The following DAOA variants were observed in gnomAD, a reference collection of about 807,000 sequenced individuals.
The protein encoded by DAOA is D-amino acid oxidase regulator.
In DAOA, 15 loss-of-function variants were observed where a neutral mutation model predicts 16.4. The ratio of observed to expected loss-of-function variants is 0.91; its 90% confidence interval spans 0.61 to 1.41. The LOEUF is 1.41. DAOA is among the 40% of genes most tolerant of loss of function. The pLI is 0.00. For synonymous variants in DAOA, 75 were observed against 59.1 expected, an observed-to-expected ratio of 1.27 and a Z score of -1.23; for missense variants, 230 against 176.8, an observed-to-expected ratio of 1.30 and a Z score of -1.71.
intron 3 of DAOA, among the ~76,000 whole-genome samples, chr13:105,468,695 A>C (rs1876713967): frequency 6.6e-6 from 1 of 152,252 alleles, no homozygotes; most frequent in Non-Finnish European, 1.5e-5. Flanking sequence ...GGCATGCAGT[A>C]TGTTAATTTC....
intron 4 of DAOA, among the ~76,000 whole-genome samples, chr13:105,482,240 T>G (rs1394103219): frequency 6.6e-6 from 1 of 152,198 alleles, no homozygotes; most frequent in East Asian, 1.9e-4. Flanking sequence ...ACTTGCTACC[T>G]CTATTTCATC....
chr13:105,487,046 G>A (rs535191868), intron 4 of DAOA, among the ~76,000 whole-genome samples: 1 of 152,206 alleles, frequency 6.6e-6, no homozygotes, highest in South Asian at 2.1e-4. Context: ...TAGATTATTG[G>A]ATTACAGTGG....
intron 4 of DAOA, among the ~76,000 whole-genome samples, chr13:105,475,994 C>T (rs1346142701): frequency 1.3e-5 from 2 of 151,732 alleles, no homozygotes; most frequent in African/African-American, 4.8e-5. Context: ...ATATATATAC[C>T]CACATTTTTA....
In DAOA at chr13:105,489,972, C is replaced by T; in HGVS notation, c.353C>T (p.Ala118Val). 6.2e-7 allele frequency: 1 copy of T among 1,613,578 alleles called. No homozygotes were observed. The highest frequency in any genetic ancestry group is 8.5e-7 in the Non-Finnish European group (1 of 1,179,836). Reference sequence around the variant, plus strand: ...AACTATGAGTTCCTTGCCTATGAGGCCTCTAAGGACCGCAGGCAGCCTCTA... The same window carrying T: ...AACTATGAGTTCCTTGCCTATGAGGTCTCTAAGGACCGCAGGCAGCCTCTA... ...ARNYEFLAYE[A>V]SKDRRQPLER... Residue 118 changes from alanine to valine, a missense_variant, in exon 5 of 6, where the codon GCC becomes GTC. Coordinates refer to ENST00000375936, the MANE Select transcript of DAOA (RefSeq NM_172370.5).
chr13:105,484,775 T>C (rs1877995180), intron 4 of DAOA, among the ~76,000 whole-genome samples: 1 of 152,190 alleles, frequency 6.6e-6, no homozygotes, highest in Admixed American at 6.6e-5. Flanking sequence ...TTTCCTCCTA[T>C]ACAATTTGGA....
chr13:105,490,294 A>T (rs1878427921), intron 5 of DAOA, 102 bp downstream of exon 5: 1 of 475,954 alleles, frequency 2.1e-6, no homozygotes. Context: ...GATATAAACT[A>T]ATACCATAGG....
chr13:105,479,824 T>C (rs1437424271), intron 4 of DAOA, among the ~76,000 whole-genome samples: 1 of 152,096 alleles, frequency 6.6e-6, no homozygotes, highest in Non-Finnish European at 1.5e-5. Flanking sequence ...TTTAAGAAAC[T>C]CATAGAAAGA....
intron 4 of DAOA, among the ~76,000 whole-genome samples, chr13:105,481,034 T>C (rs1877711573): frequency 6.6e-6 from 1 of 152,190 alleles, no homozygotes; most frequent in South Asian, 2.1e-4. Context: ...TCTAAAATTA[T>C]CACAGCATCT....
At chr13:105,468,448 C>G (rs1331645479) in intron 3 of DAOA, among the ~76,000 whole-genome samples, 1 of 152,164 alleles carries the variant, frequency 6.6e-6, no homozygotes, top group East Asian at 1.9e-4. Flanking sequence ...GCTCATCTTA[C>G]TTTTAATTTC....
chr13:105,467,089 T>C lies in DAOA; in HGVS notation c.81T>C (p.Gly27=), dbSNP rs376736793. 207 of 1,611,808 alleles carry C rather than the reference T, an allele frequency of 1.3e-4. No individual in the cohort carries two copies. Among genetic ancestry groups the C allele is most frequent in the Non-Finnish European group, 1.6e-4 (193 of 1,178,764 alleles). ...CATTGGGTAAAATCTACTTCATAGG[T>C]TTTCAAAGGAGCATTCTTCTGAGCA... ...RYTLGKIYFI[G]FQRSILLSKS... is the part of the protein sequence containing the mutation. The change falls in exon 3 of 6, where the codon GGT becomes GGC. Residue 27 remains glycine (G), a synonymous_variant. Transcript: ENST00000375936.
chr13:105,466,909 C>T lies in DAOA; in HGVS notation c.45-144C>T, dbSNP rs576954556. On this transcript the variant is annotated intron_variant, in intron 2 of 5. Coordinates refer to ENST00000375936, the MANE Select transcript of DAOA (RefSeq NM_172370.5). ...CATCTATAAAAATAAAAAAATAAGACGTATTTGGCTGAATAGTTAAGATTA... is the reference window on the plus strand; with the variant it reads ...CATCTATAAAAATAAAAAAATAAGATGTATTTGGCTGAATAGTTAAGATTA... 6.3e-5 allele frequency: 68 copies of T among 1,075,660 alleles called. No homozygotes were observed. In the South Asian group the frequency reaches 1.6e-3, roughly 25 times the overall value. 66.6% of individuals were successfully genotyped at this position (1,075,660 alleles called of 1,614,324 possible).
chr13:105,477,335 A>T (rs1877407126), intron 4 of DAOA: 1 of 152,204 alleles, frequency 6.6e-6, no homozygotes. Flanking sequence ...TCCGGTGCAG[A>T]TTAATTAGTG....
chr13:105,481,722 T>C (rs1877757364), intron 4 of DAOA, among the ~76,000 whole-genome samples: 1 of 152,130 alleles, frequency 6.6e-6, no homozygotes, highest in African/African-American at 2.4e-5. Flanking sequence ...TTGATTCAAA[T>C]TTTCTCTCTC....
intron 4 of DAOA, among the ~76,000 whole-genome samples, chr13:105,484,105 A>C (rs1877946627): frequency 6.6e-6 from 1 of 152,142 alleles, no homozygotes; most frequent in Non-Finnish European, 1.5e-5. Context: ...AGATGTTCCA[A>C]CGTCATTTGT....
intron 4 of DAOA, among the ~76,000 whole-genome samples, chr13:105,482,070 C>T (rs1300633053): frequency 1.3e-5 from 2 of 152,102 alleles, no homozygotes; most frequent in East Asian, 3.9e-4. Flanking sequence ...CTTTATAAAA[C>T]CATTAGATCT....
chr13:105,472,819 ATTAT>A (rs1877067117), intron 4 of DAOA, 134 bp downstream of exon 4: 9 of 703,398 alleles, frequency 1.3e-5, no homozygotes, highest in Admixed American at 3.6e-5. Context: ...TAGCTCAGAG[ATTAT>A]TTGTCTATTA....
intron 4 of DAOA, among the ~76,000 whole-genome samples, chr13:105,478,004 T>A (rs1196530848): frequency 2.0e-5 from 3 of 152,192 alleles, no homozygotes; most frequent in Non-Finnish European, 4.4e-5. Context: ...TTTCAAAAGA[T>A]CTCTACTGTG....
chr13:105,469,624 T>G (rs536173826), intron 3 of DAOA, among the ~76,000 whole-genome samples: 44 of 152,216 alleles, frequency 2.9e-4, no homozygotes, highest in Non-Finnish European at 5.0e-4. Context: ...AACTCAAGGT[T>G]ATAAACTACT....
At chr13:105,489,696 A>T in intron 4 of DAOA, 1 of 1,090,256 alleles carries the variant, frequency 9.2e-7, no homozygotes, top group Non-Finnish European at 1.3e-6. Flanking sequence ...ATATCCAAAT[A>T]TGTAGTTGTG....
Sources: allele counts gnomAD v4.1 joint callset (sites outside exome capture counted in the v4.1 genomes callset), GRCh38; gene constraint gnomAD v4.1.1; transcripts MANE v1.5; gene names NCBI Gene and HGNC (gene_info 2026-07-23, HGNC 2026-07-21).